Variants in JCAD observed in about 807,000 individuals in gnomAD.
The protein encoded by JCAD is junctional cadherin 5 associated, also known as junctional cadherin 5-associated protein.
JCAD carries 40 observed loss-of-function variants against 98.0 expected under a neutral mutation model. That is an observed-to-expected ratio of 0.41 (90% CI 0.32 to 0.53). The LOEUF (loss-of-function observed/expected upper bound fraction) is 0.53. Among genes scored for constraint, JCAD ranks in the 20% least tolerant of loss-of-function variants. JCAD has a pLI of 0.31. For missense variants in JCAD, 1,705 were observed against 1,738.1 expected, an observed-to-expected ratio of 0.98 and a Z score of 0.34; for synonymous variants, 691 against 682.3, an observed-to-expected ratio of 1.01 and a Z score of -0.20.
rs541382286 is a variant in JCAD at position 30,065,507 on chromosome 10, A to AT, written n.250+4192dup. 7.1e-3 allele frequency among the ~76,000 whole-genome samples: 1,055 copies of AT among 147,942 alleles called. 10 individuals carry two copies. The highest frequency in any genetic ancestry group is 0.022 in the African/African-American group (910 of 40,674). ...ATTAATTCACAGACTATATCGCATA[A>AT]TTTTTTTTTTTTGACATGAACTCTC... On this transcript the variant is annotated intron_variant and non_coding_transcript_variant, in intron 2 of 2. Transcript: ENST00000465712.
At chr10:30,100,662 G>A (rs1838456582) in intron 1 of JCAD, among the ~76,000 whole-genome samples, 1 of 152,204 alleles carries the variant, frequency 6.6e-6, no homozygotes, top group African/African-American at 2.4e-5. Flanking sequence ...GGGATTACAG[G>A]TGTGAGCCAC....
rs1564469824 is a variant in JCAD at position 30,092,050 on chromosome 10, A to T, written n.129-22229T>A. Among the ~76,000 whole-genome samples the T allele has an allele frequency of 1.2e-3, 37 of 30,574 alleles. 1 individual carries two copies. The highest frequency in any genetic ancestry group is 5.0e-3 in the African/African-American group (35 of 6,946). 20.1% of individuals were successfully genotyped at this position (30,574 alleles called of 152,430 possible). A position where few individuals can be genotyped will look rare whatever the true frequency, so the allele number is the denominator to read the frequency against. On this transcript the variant is annotated intron_variant and non_coding_transcript_variant, in intron 1 of 2. Transcript: ENST00000465712. ...CCCCCACCACAAAAAAAAAAAAAAAAAAAAAAAAAAAAAAATATATATATA... is the reference window on the plus strand; with the variant it reads ...CCCCCACCACAAAAAAAAAAAAAAATAAAAAAAAAAAAAAATATATATATA...
chr10:30,074,628 T>A (rs112495786), intron 1 of JCAD, among the ~76,000 whole-genome samples: 3 of 152,258 alleles, frequency 2.0e-5, no homozygotes, highest in African/African-American at 7.2e-5. Flanking sequence ...GAAAGGAGAA[T>A]TCAAAAAGGG....
At position 30,026,674 on chromosome 10, in the gene JCAD, G is replaced by A; in HGVS notation, c.3474C>T (p.Leu1158=). 1 of 1,613,474 alleles carries A rather than the reference G, an allele frequency of 6.2e-7. No homozygotes were observed. Among genetic ancestry groups the A allele is most frequent in the Non-Finnish European group, 8.5e-7 (1 of 1,180,036 alleles). ...TGGCACTGTCCCTGTCCCCTACAAA[G>A]AGAGGGCTCTTGGTCCAGCCGCACT... ...RRKCGWTKSP[L]FVGDRDSARR... Residue 1158 remains leucine, a synonymous_variant, in exon 3 of 4, where the codon CTC becomes CTT. Transcript: ENST00000375377.
Position 30,112,805 on chromosome 10 carries a change from G to A in JCAD, n.128+2562C>T, listed in dbSNP as rs533655044. Among the ~76,000 whole-genome samples the A allele has an allele frequency of 1.3e-4, 19 of 150,280 alleles. No homozygotes were observed. The East Asian group carries it at 3.8e-3, about 30-fold the overall frequency. ...GAGAATTGCTTGAACCCGGGAGGCA[G>A]AGGTTGCAGTGAGCCAAGATTGTAC... On this transcript the variant is annotated intron_variant and non_coding_transcript_variant, in intron 1 of 2. Coordinates refer to the JCAD transcript ENST00000465712.
chr10:30,101,577 A>G (rs1838471602), intron 1 of JCAD, among the ~76,000 whole-genome samples: 1 of 151,974 alleles, frequency 6.6e-6, no homozygotes, highest in South Asian at 2.1e-4. Flanking sequence ...TATGTTGGCC[A>G]GGCTGGTCTT....
intron 1 of JCAD, among the ~76,000 whole-genome samples, chr10:30,076,316 C>T (rs919682528): frequency 2.6e-5 from 4 of 152,192 alleles, no homozygotes; most frequent in South Asian, 4.2e-4. Context: ...TGTGAGCCAC[C>T]GTGCCCAGCC....
chr10:30,037,173 C>T (rs1837132860), intron 2 of JCAD, among the ~76,000 whole-genome samples: 1 of 152,210 alleles, frequency 6.6e-6, no homozygotes, highest in Admixed American at 6.5e-5. Context: ...ATGGCCTCAG[C>T]CATGTTCCGC....
rs1220043211 is a variant in JCAD, at chr10:30,028,131, T to C, written c.2017A>G (p.Arg673Gly). Reference sequence around the variant, plus strand: ...CAAGAGCCAGAATGCTTGAGTTCTCTGTGCTTTGTAAGGTGGATGAAACTG... The same window carrying C: ...CAAGAGCCAGAATGCTTGAGTTCTCCGTGCTTTGTAAGGTGGATGAAACTG... ...DLSFIHLTKH[R>G]ELKHSGSWPG... Residue 673 changes from arginine (R) to glycine (G), a missense_variant, in exon 3 of 4, where the codon AGA becomes GGA. Coordinates refer to ENST00000375377, the MANE Select transcript of JCAD (RefSeq NM_020848.4). 2 of 1,614,228 alleles carry C rather than the reference T, an allele frequency of 1.2e-6. No homozygotes were observed. Among genetic ancestry groups the C allele is most frequent in the South Asian group, 1.1e-5 (1 of 91,090 alleles).
At chr10:30,111,020 G>A (rs940939209) in intron 1 of JCAD, among the ~76,000 whole-genome samples, 1 of 151,806 alleles carries the variant, frequency 6.6e-6, no homozygotes, top group Non-Finnish European at 1.5e-5. Context: ...GATGTATGGG[G>A]CAGCTGATGT....
chr10:30,014,346 G>A lies in JCAD; in HGVS notation c.*3537C>T, dbSNP rs769174974. On this transcript the variant is annotated 3_prime_UTR_variant, in exon 4 of 4. Transcript: ENST00000375377. ...CATCTCCCCTGCATAAATGGGTCTG[G>A]TAGAACAATGCTCCCCAACGCTAAA... 8 of 152,138 alleles carry A rather than the reference G, an allele frequency of 5.3e-5. No homozygotes were observed. The highest frequency in any genetic ancestry group is 1.0e-4 in the Non-Finnish European group (7 of 68,014). The allele number at this position is 152,138 out of a possible 1,614,324, so 9.4% of individuals were successfully genotyped here.
In JCAD at chr10:30,026,874, T is replaced by C; in HGVS notation, c.3274A>G (p.Ile1092Val). Residue 1092 changes from isoleucine (I) to valine (V), a missense_variant, in exon 3 of 4, where the codon ATT becomes GTT. Ile to Val is a conservative substitution (Grantham distance 29). Around this residue, in one of 3 missense-constraint regions of JCAD, gnomAD observed 1,278 missense variants for 1,243.1 expected, o/e 1.03. Coordinates refer to ENST00000375377, the MANE Select transcript of JCAD (RefSeq NM_020848.4). ...LQARAARILG[I>V]EVAVESLLPG... Reference sequence around the variant, plus strand: ...AGGAGGGACTCCACCGCCACCTCAATGCCCAGGATCCTTGCAGCCCTGGCT... The same window carrying C: ...AGGAGGGACTCCACCGCCACCTCAACGCCCAGGATCCTTGCAGCCCTGGCT... 6.2e-7 allele frequency: 1 copy of C among 1,613,988 alleles called. No individual in the cohort carries two copies. The highest frequency in any genetic ancestry group is 8.5e-7 in the Non-Finnish European group (1 of 1,179,976).
At chr10:30,102,236 T>C (rs1014538531) in intron 1 of JCAD, among the ~76,000 whole-genome samples, 2 of 152,216 alleles carry the variant, frequency 1.3e-5, no homozygotes, top group Admixed American at 1.3e-4. Flanking sequence ...TGGTATGATC[T>C]TGGCTTACTG....
chr10:30,073,693 C>CCTTT (rs1485074974), intron 1 of JCAD, among the ~76,000 whole-genome samples: 4 of 139,460 alleles, frequency 2.9e-5, no homozygotes, highest in Non-Finnish European at 6.4e-5. Flanking sequence ...TTCCTTCCTT[C>CCTTT]CTTCCTTCCT....
intron 1 of JCAD, among the ~76,000 whole-genome samples, chr10:30,109,514 C>G (rs1838649733): frequency 6.6e-6 from 1 of 151,946 alleles, no homozygotes; most frequent in Non-Finnish European, 1.5e-5. Flanking sequence ...AATCTTGTTG[C>G]TTTTTTTTCC....
At chr10:30,086,879 A>G (rs1191599212) in intron 1 of JCAD, among the ~76,000 whole-genome samples, 1 of 152,210 alleles carries the variant, frequency 6.6e-6, no homozygotes, top group Admixed American at 6.5e-5. Context: ...AAAAGTGAAG[A>G]GCAGATTTCT....
chr10:30,108,355 C>T (rs1356330664), intron 1 of JCAD, among the ~76,000 whole-genome samples: 2 of 151,346 alleles, frequency 1.3e-5, no homozygotes, highest in Admixed American at 1.3e-4. Flanking sequence ...GGGTGGTTGT[C>T]ATGGTGTCAG....
At chr10:30,114,645 G>A (rs1292367834) in intron 1 of JCAD, among the ~76,000 whole-genome samples, 1 of 149,524 alleles carries the variant, frequency 6.7e-6, no homozygotes, top group Non-Finnish European at 1.5e-5. Context: ...GACTCATTCT[G>A]TAAATGAACT....
intron 1 of JCAD, among the ~76,000 whole-genome samples, chr10:30,080,761 C>G (rs924485277): frequency 2.0e-5 from 3 of 152,154 alleles, no homozygotes; most frequent in African/African-American, 7.2e-5. Context: ...GGAATGATCC[C>G]CTTATTACCC....
Sources: allele counts gnomAD v4.1 joint callset (sites outside exome capture counted in the v4.1 genomes callset), GRCh38; gene constraint gnomAD v4.1.1; regional missense constraint gnomAD v4.1.1; transcripts MANE v1.5; gene names NCBI Gene and HGNC (gene_info 2026-07-23, HGNC 2026-07-21).